SLC35F1: variants seen among roughly 807,000 people sequenced by gnomAD.
SLC35F1 encodes the protein chromosome 6 open reading frame 169.
Under a neutral mutation model 48.7 loss-of-function variants are expected in SLC35F1, and 14 were observed. That is an observed-to-expected ratio of 0.29 (90% CI 0.19 to 0.45). The LOEUF (loss-of-function observed/expected upper bound fraction) is 0.45. Ranked by LOEUF, SLC35F1 falls within the 20% of genes least tolerant of loss-of-function variation. SLC35F1 has a pLI of 1.00. For synonymous variants in SLC35F1, 190 were observed against 202.2 expected, an observed-to-expected ratio of 0.94 and a Z score of 0.51; for missense variants, 404 against 500.0, an observed-to-expected ratio of 0.81 and a Z score of 1.83.
chr6:118,185,692 G>T (rs1468117094), intron 2 of SLC35F1, among the ~76,000 whole-genome samples: 1 of 152,122 alleles, frequency 6.6e-6, no homozygotes, highest in Non-Finnish European at 1.5e-5. Context: ...GCTGTGGCTT[G>T]CCACTCAGAC....
At chr6:118,305,178 C>A (rs550419041) in intron 7 of SLC35F1, among the ~76,000 whole-genome samples, 1 of 146,682 alleles carries the variant, frequency 6.8e-6, no homozygotes, top group Admixed American at 6.9e-5. Flanking sequence ...CAAGGAAGAC[C>A]CAGCGGGATA....
At chr6:118,245,024 A>G (rs17079881) in intron 3 of SLC35F1, among the ~76,000 whole-genome samples, 20,791 of 152,246 alleles carry the variant, frequency 0.14, 1,464 homozygotes, top group Middle Eastern at 0.17. Context: ...CCTTTTCAGT[A>G]TTCTGCTATG....
chr6:118,266,583 T>C (rs1775776459), intron 3 of SLC35F1, among the ~76,000 whole-genome samples: 1 of 152,106 alleles, frequency 6.6e-6, no homozygotes, highest in South Asian at 2.1e-4. Context: ...CACCCTCATC[T>C]CCCATTCCCG....
chr6:118,281,043 GA>G (rs1775976922), intron 6 of SLC35F1, among the ~76,000 whole-genome samples: 1 of 151,470 alleles, frequency 6.6e-6, no homozygotes, highest in Non-Finnish European at 1.5e-5. Context: ...TTGTTTTTAA[GA>G]ATTACAAATA....
intron 1 of SLC35F1, among the ~76,000 whole-genome samples, chr6:117,919,623 C>A (rs936234338): frequency 9.9e-5 from 15 of 152,034 alleles, no homozygotes; most frequent in Non-Finnish European, 1.9e-4. Flanking sequence ...TGAAACCCAC[C>A]GATCTATGAA....
chr6:118,279,230 A>G (rs1481617914), intron 6 of SLC35F1, among the ~76,000 whole-genome samples: 1 of 152,244 alleles, frequency 6.6e-6, no homozygotes, highest in Non-Finnish European at 1.5e-5. Flanking sequence ...TGACTTGATC[A>G]TTACACATTG....
intron 1 of SLC35F1, among the ~76,000 whole-genome samples, chr6:118,150,870 AACATCTC>A (rs757288742): frequency 4.6e-5 from 7 of 152,284 alleles, no homozygotes; most frequent in South Asian, 4.1e-4. Flanking sequence ...CTGCAAAGTC[AACATCTC>A]TAATTTCTCA....
intron 1 of SLC35F1, among the ~76,000 whole-genome samples, chr6:118,061,512 C>T (rs758090878): frequency 2.8e-4 from 42 of 151,522 alleles, no homozygotes; most frequent in Non-Finnish European, 5.3e-4. Context: ...CTCAGACAAC[C>T]TGTTAAACAT....
At chr6:118,220,996 G>T (rs1015090444) in intron 2 of SLC35F1, among the ~76,000 whole-genome samples, 3 of 152,122 alleles carry the variant, frequency 2.0e-5, no homozygotes, top group African/African-American at 7.2e-5. Flanking sequence ...CTTCACTTGG[G>T]ATGTTAGCTT....
intron 2 of SLC35F1, among the ~76,000 whole-genome samples, chr6:118,159,929 A>G (rs1774204805): frequency 1.3e-5 from 2 of 152,206 alleles, no homozygotes; most frequent in South Asian, 4.1e-4. Context: ...AAACTTTAAT[A>G]AGCAATAATT....
At chr6:118,278,675 C>A (rs562709326) in intron 6 of SLC35F1, among the ~76,000 whole-genome samples, 4 of 152,094 alleles carry the variant, frequency 2.6e-5, no homozygotes, top group Admixed American at 6.6e-5. Context: ...ATCAACAGGG[C>A]AAGGAGAGAG....
chr6:117,988,399 C>T (rs1209087223), intron 1 of SLC35F1, among the ~76,000 whole-genome samples: 1 of 152,194 alleles, frequency 6.6e-6, no homozygotes, highest in Non-Finnish European at 1.5e-5. Context: ...TTAGTTCAAT[C>T]AAAAATATAA....
At chr6:118,105,842 A>G (rs985383933) in intron 1 of SLC35F1, among the ~76,000 whole-genome samples, 1 of 152,178 alleles carries the variant, frequency 6.6e-6, no homozygotes, top group Admixed American at 6.5e-5. Context: ...AGATAGTATG[A>G]TGACCTTATT....
chr6:118,267,204 A>C, intron 4 of SLC35F1, 50 bp downstream of exon 4: 1 of 1,602,498 alleles, frequency 6.2e-7, no homozygotes, highest in Non-Finnish European at 8.5e-7. Context: ...GGTGAGGCCA[A>C]GGCAAGAAAT....
intron 2 of SLC35F1, among the ~76,000 whole-genome samples, chr6:118,200,751 G>A (rs7767103): frequency 9.9e-5 from 15 of 152,094 alleles, no homozygotes; most frequent in East Asian, 3.9e-4. Flanking sequence ...GTAACAGTGC[G>A]ATTATGGGTC....
At chr6:117,979,725 G>A (rs571088804) in intron 1 of SLC35F1, among the ~76,000 whole-genome samples, 60 of 152,192 alleles carry the variant, frequency 3.9e-4, no homozygotes, top group African/African-American at 1.3e-3. Flanking sequence ...ATGTAAGAGG[G>A]TCTGTTGTAG....
In SLC35F1 at chr6:117,907,591, TC is replaced by T; in HGVS notation, c.-135del. 4.4e-6 allele frequency: 2 copies of T among 450,826 alleles called. No individual in the cohort carries two copies. Among genetic ancestry groups the T allele is most frequent in the Non-Finnish European group, 7.5e-6 (2 of 268,366 alleles). The allele number at this position is 450,826 out of a possible 1,614,324, so 27.9% of individuals were successfully genotyped here. ...CCGTAGCCGCGGGTGCCTCCCCGCC[TC>T]ACCGCTTCGCAGGCAGCACCGCCTC... On this transcript the variant is annotated 5_prime_UTR_variant, in exon 1 of 8. Coordinates refer to ENST00000360388, the MANE Select transcript of SLC35F1 (RefSeq NM_001029858.4).
chr6:118,070,410 T>C (rs925403080), intron 1 of SLC35F1, among the ~76,000 whole-genome samples: 2 of 152,166 alleles, frequency 1.3e-5, no homozygotes, highest in Non-Finnish European at 2.9e-5. Context: ...GGAGCCGAAG[T>C]CTGCTTTAAA....
intron 1 of SLC35F1, among the ~76,000 whole-genome samples, chr6:118,037,146 T>C (rs900692476): frequency 3.3e-5 from 5 of 152,240 alleles, no homozygotes; most frequent in Admixed American, 1.3e-4. Flanking sequence ...AAGTTTTGTA[T>C]CTTATACCTT....
Sources: allele counts gnomAD v4.1 joint callset (sites outside exome capture counted in the v4.1 genomes callset), GRCh38; gene constraint gnomAD v4.1.1; transcripts MANE v1.5; gene names NCBI Gene and HGNC (gene_info 2026-07-23, HGNC 2026-07-21).